The following CCT2 variants were observed in gnomAD, a reference collection of about 807,000 sequenced individuals.
The protein encoded by CCT2 is T-complex protein 1 subunit beta.
In CCT2, 18 loss-of-function variants were observed where a neutral mutation model predicts 61.8. The ratio of observed to expected loss-of-function variants is 0.29; its 90% CI spans 0.20 to 0.43. CCT2 has a LOEUF of 0.43. Among genes scored for constraint, CCT2 ranks in the 20% least tolerant of loss-of-function variants. The pLI is 1.00. For missense variants in CCT2, 556 were observed against 656.9 expected (o/e 0.85, Z 1.68); for synonymous variants, 248 against 215.9 (o/e 1.15, Z -1.30).
intron 14 of CCT2, 146 bp from the exon 15 acceptor site, chr12:69,599,717 G>T (rs1882095509): frequency 1.8e-6 from 1 of 547,816 alleles, no homozygotes. Flanking sequence ...CTTTCTTTGA[G>T]CTCATTTGTA....
intron 10 of CCT2, among the ~76,000 whole-genome samples, chr12:69,594,354 G>A (rs1364586827): frequency 6.6e-6 from 1 of 152,150 alleles, no homozygotes; most frequent in Non-Finnish European, 1.5e-5. Flanking sequence ...CTGTGTGCTG[G>A]AGAGTGGGTC....
rs1156599537 is a variant in CCT2, at chr12:69,592,988, C to T, written c.763C>T (p.Arg255Trp). 3.1e-6 allele frequency: 5 copies of T among 1,611,756 alleles called. No individual in the cohort carries two copies. Among genetic ancestry groups the T allele is most frequent in the African/African-American group, 1.3e-5 (1 of 74,850 alleles). Reference protein sequence around the residue: ...DTDKIKIFGSRVRVDSTAKVA... With the variant: ...DTDKIKIFGSWVRVDSTAKVA... ...TCGTTTGTCTTAGATATTTGGTTCC[C>T]GGGTAAGAGTTGACTCTACAGCAAA... Residue 255 changes from arginine to tryptophan, a missense_variant, in exon 9 of 16, where the codon CGG becomes TGG. Physicochemically the swap from Arg to Trp is moderately radical, Grantham distance 101 (BLOSUM62 -3). This residue lies in a region of CCT2 where 308 missense variants were observed against 350.6 expected (regional missense o/e 0.88). Coordinates refer to ENST00000299300, the MANE Select transcript of CCT2 (RefSeq NM_006431.3).
At chr12:69,586,434 G>C in intron 2 of CCT2, 90 bp downstream of exon 2, 1 of 899,518 alleles carries the variant, frequency 1.1e-6, no homozygotes, top group Non-Finnish European at 1.8e-6. Context: ...TTGGGAGGCC[G>C]AGGTAGGCGG....
Position 69,589,660 on chromosome 12 carries a change from A to G in CCT2, c.622A>G (p.Ser208Gly), listed in dbSNP as rs756659427. The G allele has an allele frequency of 6.2e-7, 1 of 1,613,348 alleles. No individual in the cohort carries two copies. Among genetic ancestry groups the G allele is most frequent in the East Asian group, 2.2e-5 (1 of 44,870 alleles). The change falls in exon 7 of 16, where the codon AGT (serine) becomes GGT (glycine). Residue 208 changes from serine (S) to glycine (G), a missense_variant. Coordinates refer to ENST00000299300, the MANE Select transcript of CCT2 (RefSeq NM_006431.3). ...AIHIIKKLGG[S>G]LADSYLDEGF... Reference sequence around the variant, plus strand: ...TCATATTATCAAGAAGCTAGGAGGAAGTTTGGCAGATTCCTATTTAGATGA... The same window carrying G: ...TCATATTATCAAGAAGCTAGGAGGAGGTTTGGCAGATTCCTATTTAGATGA...
At chr12:69,598,466 C>A in intron 14 of CCT2, 45 bp downstream of exon 14, 2 of 1,197,686 alleles carry the variant, frequency 1.7e-6, no homozygotes, top group Non-Finnish European at 2.4e-6. Context: ...AAAAGTAACT[C>A]TTTTCACTAA....
At chr12:69,597,492 A>G in intron 11 of CCT2, 146 bp from the exon 12 acceptor site, 1 of 1,039,478 alleles carries the variant, frequency 9.6e-7, no homozygotes, top group Non-Finnish European at 1.4e-6. Flanking sequence ...GATAACTTAG[A>G]ACCATTATGA....
chr12:69,595,874 A>G (rs924746865), intron 10 of CCT2, among the ~76,000 whole-genome samples: 2 of 152,174 alleles, frequency 1.3e-5, no homozygotes, highest in Admixed American at 1.3e-4. Flanking sequence ...GTGGTTGTCA[A>G]AGGTGTATGA....
At chr12:69,587,073 A>G (rs1274104278) in intron 3 of CCT2, 2 of 391,910 alleles carry the variant, frequency 5.1e-6, no homozygotes, top group Non-Finnish European at 4.5e-6. Flanking sequence ...TGTGTACTTC[A>G]TTATGTATTT....
intron 11 of CCT2, among the ~76,000 whole-genome samples, 179 bp downstream of exon 11, chr12:69,597,454 A>C (rs1180587468): frequency 6.6e-6 from 1 of 152,240 alleles, no homozygotes; most frequent in African/African-American, 2.4e-5. Flanking sequence ...CTTTGTGAAC[A>C]GTGCATGTTC....
At chr12:69,598,442 T>C in intron 14 of CCT2, 21 bp downstream of exon 14, 1 of 1,456,304 alleles carries the variant, frequency 6.9e-7, no homozygotes. Context: ...AAGGGGAACT[T>C]TGTGGCCGTT....
At chr12:69,598,449 C>CA in intron 14 of CCT2, 28 bp downstream of exon 14, 2 of 1,411,728 alleles carry the variant, frequency 1.4e-6, no homozygotes, top group Non-Finnish European at 9.6e-7. Flanking sequence ...ACTTTGTGGC[C>CA]GTTGTTAAAA....
rs1453520544 is a variant in CCT2, at chr12:69,601,275, C to CT, written c.1578-14dup. 6 of 1,581,464 alleles carry CT rather than the reference C, an allele frequency of 3.8e-6. No homozygotes were observed. Among genetic ancestry groups the CT allele is most frequent in the African/African-American group, 2.7e-5 (2 of 73,050 alleles). ...CATGCTCTTCATTTTTCACTATTGA[C>CT]TTTTTTCTTACTCTCATAGGAAACG... On this transcript the variant is annotated intron_variant, in intron 15 of 15. Transcript: ENST00000299300.
chr12:69,590,117 T>C (rs1446033961), intron 7 of CCT2, among the ~76,000 whole-genome samples: 1 of 152,222 alleles, frequency 6.6e-6, no homozygotes. Flanking sequence ...GCAGGTTTTT[T>C]CAATAAATAT....
chr12:69,597,395 G>A (rs1365146937), intron 11 of CCT2, 120 bp downstream of exon 11: 28 of 1,259,988 alleles, frequency 2.2e-5, no homozygotes, highest in Non-Finnish European at 3.1e-5. Flanking sequence ...TCAGAAGCAT[G>A]ATACATACTT....
intron 1 of CCT2, chr12:69,585,936 C>A: frequency 7.8e-7 from 1 of 1,275,294 alleles, no homozygotes; most frequent in Non-Finnish European, 9.9e-7. Flanking sequence ...CTCGCCCGCC[C>A]GGCAGGCGTC....
chr12:69,585,539 C>G lies in CCT2; in HGVS notation c.3+15C>G, dbSNP rs1379465788. ...TCGGAACCATGGTGAGCCTGACTCCCCTGCCTCTTGCCCTACCCCTGCTCC... is the reference window on the plus strand; with the variant it reads ...TCGGAACCATGGTGAGCCTGACTCCGCTGCCTCTTGCCCTACCCCTGCTCC... On this transcript the variant is annotated intron_variant, in intron 1 of 15. Transcript: ENST00000299300. The G allele has an allele frequency of 6.4e-7, 1 of 1,571,412 alleles. No individual in the cohort carries two copies. Among genetic ancestry groups the G allele is most frequent in the East Asian group, 2.3e-5 (1 of 42,726 alleles).
At chr12:69,588,107 TA>T (rs778728779) in intron 5 of CCT2, 42 bp from the exon 6 acceptor site, 1 of 1,561,686 alleles carries the variant, frequency 6.4e-7, no homozygotes, top group Admixed American at 1.7e-5. Context: ...GAGTGCTTAA[TA>T]ATTTTCTATT....
chr12:69,597,610 A>T, intron 11 of CCT2, 28 bp from the exon 12 acceptor site: 1 of 1,607,096 alleles, frequency 6.2e-7, no homozygotes. Flanking sequence ...TTTTATCCCT[A>T]AGTGGTCACT....
chr12:69,587,629 A>G lies in CCT2; in HGVS notation c.256+13A>G. 2.0e-6 allele frequency: 3 copies of G among 1,470,258 alleles called. No individual in the cohort carries two copies. The highest frequency in any genetic ancestry group is 1.4e-5 in the African/African-American group (1 of 72,192). 91.1% of individuals were successfully genotyped at this position (1,470,258 alleles called of 1,614,324 possible). A position where few individuals can be genotyped will look rare whatever the true frequency, so the allele number is the denominator to read the frequency against. On this transcript the variant is annotated intron_variant, in intron 4 of 15. Coordinates refer to ENST00000299300, the MANE Select transcript of CCT2 (RefSeq NM_006431.3). ...AAAGTTTTAGTTGGTAAGTCTGAATATACTTTTTCACCAACCTAATAATAC... is the reference window on the plus strand; with the variant it reads ...AAAGTTTTAGTTGGTAAGTCTGAATGTACTTTTTCACCAACCTAATAATAC...
Sources: gnomAD v4.1 joint callset for allele counts (sites outside exome capture counted in the v4.1 genomes callset) on GRCh38, gnomAD v4.1.1 for gene constraint, gnomAD v4.1.1 regional missense constraint, MANE v1.5 for transcripts, NCBI Gene and HGNC (gene_info 2026-07-23, HGNC 2026-07-21) for gene names.